The following COL23A1 variants were observed in gnomAD, a reference collection of about 807,000 sequenced individuals.
COL23A1 encodes collagen alpha-1(XXIII) chain.
COL23A1 carries 97 observed loss-of-function variants against 99.3 expected under a neutral mutation model. The ratio of observed to expected loss-of-function variants is 0.98; its 90% CI spans 0.83 to 1.16. COL23A1 has a LOEUF of 1.16. COL23A1 is among the 50% of genes most tolerant of loss of function. COL23A1 has a pLI of 0.00. For missense variants in COL23A1, 762 were observed against 757.4 expected, an observed-to-expected ratio of 1.01 and a Z score of -0.07; for synonymous variants, 320 against 308.2, an observed-to-expected ratio of 1.04 and a Z score of -0.40.
intron 5 of COL23A1, among the ~76,000 whole-genome samples, chr5:178,285,281 T>C (rs541503182): frequency 5.8e-4 from 88 of 152,186 alleles, no homozygotes; most frequent in Non-Finnish European, 1.1e-3. Flanking sequence ...CACCAGAGTC[T>C]CCTGCCAGAC....
At chr5:178,377,699 C>T (rs967484743) in intron 2 of COL23A1, among the ~76,000 whole-genome samples, 9 of 152,188 alleles carry the variant, frequency 5.9e-5, no homozygotes, top group Non-Finnish European at 8.8e-5. Flanking sequence ...TGTGGACAAG[C>T]GCGCGAGTCA....
intron 2 of COL23A1, among the ~76,000 whole-genome samples, chr5:178,338,652 C>G (rs1319643832): frequency 6.6e-6 from 1 of 152,138 alleles, no homozygotes; most frequent in African/African-American, 2.4e-5. Context: ...GCTCCTGGGT[C>G]ACTGGCCAGC....
chr5:178,506,700 A>G (rs892782863), intron 2 of COL23A1, among the ~76,000 whole-genome samples: 27 of 152,200 alleles, frequency 1.8e-4, no homozygotes, highest in African/African-American at 6.5e-4. Flanking sequence ...TTCTTCCCTC[A>G]CAATGAAAAC....
chr5:178,540,148 A>C (rs2113321236), intron 2 of COL23A1, among the ~76,000 whole-genome samples: 1 of 152,328 alleles, frequency 6.6e-6, no homozygotes, highest in East Asian at 1.9e-4. Context: ...AATTCTATTC[A>C]GCACTACTGA....
At position 178,366,511 on chromosome 5, in the gene COL23A1, T is replaced by C. The variant is rs1018923830; in HGVS notation, c.362-59592A>G. Among the ~76,000 whole-genome samples the C allele has an allele frequency of 7.9e-5, 12 of 152,168 alleles. No homozygotes were observed. Among genetic ancestry groups the C allele is most frequent in the Admixed American group, 7.9e-4 (12 of 15,276 alleles). ...GGCGTCTTCTGCACCTGCACTCCCA[T>C]CTGACCTTTCCAGACCAACTTCCAC... On this transcript the variant is annotated intron_variant, in intron 2 of 28. Transcript: ENST00000390654. This position sits in a 1 kb window ranked among gnomAD's most constrained non-coding sequence, Gnocchi z 4.4.
intron 5 of COL23A1, among the ~76,000 whole-genome samples, chr5:178,287,449 G>A (rs567107290): frequency 2.0e-5 from 3 of 152,350 alleles, no homozygotes; most frequent in South Asian, 2.1e-4. Context: ...GAAGCTCAGC[G>A]AAGGTGAGCA....
chr5:178,360,970 T>A (rs994360558), intron 2 of COL23A1, among the ~76,000 whole-genome samples: 1 of 152,186 alleles, frequency 6.6e-6, no homozygotes, highest in Admixed American at 6.5e-5. Context: ...ACATTCGGCT[T>A]TGGACTTGGC....
Position 178,495,237 on chromosome 5 carries a change from G to A in COL23A1, c.361+65445C>T, listed in dbSNP as rs538845203. Among the ~76,000 whole-genome samples the A allele has an allele frequency of 9.8e-5, 15 of 152,366 alleles. No individual in the cohort carries two copies. The South Asian group carries it at 2.9e-3, about 29-fold the overall frequency. Reference sequence around the variant, plus strand: ...GGCTCCCGGTGTGGCTGAGATGTCAGAGGCACCCTCTGCACAGCCTGAGAT... The same window carrying A: ...GGCTCCCGGTGTGGCTGAGATGTCAAAGGCACCCTCTGCACAGCCTGAGAT... On this transcript the variant is annotated intron_variant, in intron 2 of 28. Coordinates refer to ENST00000390654, the MANE Select transcript of COL23A1 (RefSeq NM_173465.4).
intron 2 of COL23A1, among the ~76,000 whole-genome samples, chr5:178,545,464 T>TGAAAAGAAC (rs1761529643): frequency 6.6e-6 from 1 of 152,000 alleles, no homozygotes; most frequent in Non-Finnish European, 1.5e-5. Flanking sequence ...CTGAAAAGAA[T>TGAAAAGAAC]GAAAAGAACA....
intron 2 of COL23A1, among the ~76,000 whole-genome samples, chr5:178,422,843 T>G (rs1765710067): frequency 6.6e-6 from 1 of 152,240 alleles, no homozygotes; most frequent in Non-Finnish European, 1.5e-5. Context: ...TAAATAATTA[T>G]AAATCATGAT....
At chr5:178,508,975 A>C (rs1029327537) in intron 2 of COL23A1, among the ~76,000 whole-genome samples, 1 of 152,178 alleles carries the variant, frequency 6.6e-6, no homozygotes, top group Non-Finnish European at 1.5e-5. Context: ...CCAGGACTGG[A>C]AGTTACTTGA....
chr5:178,405,429 T>C (rs1280783589), intron 2 of COL23A1, among the ~76,000 whole-genome samples: 1 of 152,270 alleles, frequency 6.6e-6, no homozygotes, highest in Admixed American at 6.5e-5. Context: ...AATCTCCAGA[T>C]GGCAAGGTTT....
intron 2 of COL23A1, among the ~76,000 whole-genome samples, chr5:178,436,927 C>T (rs928719433): frequency 2.0e-5 from 3 of 152,134 alleles, no homozygotes; most frequent in African/African-American, 7.2e-5. Flanking sequence ...TCGACCTGGC[C>T]TGCACAATTG....
At chr5:178,300,717 T>C (rs1757987134) in intron 3 of COL23A1, among the ~76,000 whole-genome samples, 1 of 126,558 alleles carries the variant, frequency 7.9e-6, no homozygotes, top group African/African-American at 3.4e-5. Context: ...CCTGGCTAGC[T>C]TTTGTATTTA....
At chr5:178,406,578 C>T (rs1184417295) in intron 2 of COL23A1, among the ~76,000 whole-genome samples, 9 of 151,930 alleles carry the variant, frequency 5.9e-5, no homozygotes, top group South Asian at 4.2e-4. Context: ...TACAGGCACG[C>T]GCCACCATGC....
intron 2 of COL23A1, among the ~76,000 whole-genome samples, chr5:178,490,432 G>A (rs1229447367): frequency 3.3e-5 from 5 of 152,042 alleles, no homozygotes; most frequent in Non-Finnish European, 4.4e-5. Flanking sequence ...AGAGGTTACC[G>A]GTGCTGAAGG....
chr5:178,444,554 G>T (rs1767055359), intron 2 of COL23A1, among the ~76,000 whole-genome samples: 1 of 152,154 alleles, frequency 6.6e-6, no homozygotes, highest in Admixed American at 6.5e-5. Flanking sequence ...CAGCACTTTG[G>T]GAGGCCAAGG....
At chr5:178,312,639 GTCCCTTC>G (rs1758764695) in intron 2 of COL23A1, among the ~76,000 whole-genome samples, 1 of 150,948 alleles carries the variant, frequency 6.6e-6, no homozygotes, top group Non-Finnish European at 1.5e-5. Flanking sequence ...TCTTATCAAG[GTCCCTTC>G]ACAAACCTGC....
intron 7 of COL23A1, 126 bp downstream of exon 7, chr5:178,268,603 TG>T: frequency 2.5e-6 from 2 of 815,858 alleles, no homozygotes; most frequent in Non-Finnish European, 3.7e-6. Context: ...ACTCTACAGA[TG>T]GGGAAACTGA....
Sources: allele counts gnomAD v4.1 joint callset (sites outside exome capture counted in the v4.1 genomes callset), GRCh38; gene constraint gnomAD v4.1.1; non-coding constraint Gnocchi (gnomAD v3.1); transcripts MANE v1.5; gene names NCBI Gene and HGNC (gene_info 2026-07-23, HGNC 2026-07-21).